The following KLC4 variants were observed in gnomAD, a reference collection of about 807,000 sequenced individuals.
KLC4 encodes kinesin-like protein 8.
A neutral mutation model predicts 77.2 loss-of-function variants in KLC4; 49 were observed. That is an observed-to-expected ratio of 0.63 (90% CI 0.50 to 0.80). The LOEUF is 0.80. KLC4 is among the 30% of genes least tolerant of loss of function. The pLI, the probability that KLC4 is intolerant of heterozygous loss-of-function variation, is 0.00. For synonymous variants in KLC4, 274 were observed against 314.5 expected, an observed-to-expected ratio of 0.87 and a Z score of 1.36; for missense variants, 669 against 793.5, an observed-to-expected ratio of 0.84 and a Z score of 1.89.
intron 3 of KLC4, 54 bp from the exon 4 acceptor site, chr6:43,065,566 A>C: frequency 8.2e-7 from 1 of 1,226,126 alleles, no homozygotes; most frequent in Non-Finnish European, 1.2e-6. Context: ...GGTCACTGAG[A>C]AGGCTACTAG....
chr6:43,068,910 C>A (rs912464665), intron 6 of KLC4, among the ~76,000 whole-genome samples: 3 of 152,110 alleles, frequency 2.0e-5, no homozygotes, highest in African/African-American at 7.2e-5. Context: ...GAGTTTGAGA[C>A]CAGCCTGACC....
chr6:43,073,511 G>A, intron 14 of KLC4, 173 bp downstream of exon 14: 1 of 548,642 alleles, frequency 1.8e-6, no homozygotes, highest in South Asian at 2.0e-5. Flanking sequence ...GTCGGGTGTG[G>A]TGGCAGGTGC....
At chr6:43,072,316 C>G in intron 12 of KLC4, 61 bp downstream of exon 12, 1 of 1,323,062 alleles carries the variant, frequency 7.6e-7, no homozygotes, top group Non-Finnish European at 1.1e-6. Context: ...GAGAGAGTGC[C>G]GAGGTTTCTT....
chr6:43,060,636 C>T (rs1190835540), intron 1 of KLC4: 8 of 1,109,412 alleles, frequency 7.2e-6, no homozygotes, highest in East Asian at 7.9e-5. Flanking sequence ...AGAAACAAGA[C>T]CCCTCTGAGG....
rs147244412 is a variant in KLC4 at position 43,074,280 on chromosome 6, C to T, written c.1809+315C>T. 2,069 of 444,532 alleles carry T rather than the reference C, an allele frequency of 4.7e-3. 6 individuals carry two copies. The highest frequency in any genetic ancestry group is 6.9e-3 in the Non-Finnish European group (1,738 of 252,212). The allele number at this position is 444,532 out of a possible 1,614,324, so 27.5% of individuals were successfully genotyped here. A position where few individuals can be genotyped will look rare whatever the true frequency, so the allele number is the denominator to read the frequency against. On this transcript the variant is annotated intron_variant, in intron 15 of 15. Coordinates refer to ENST00000347162, the MANE Select transcript of KLC4 (RefSeq NM_201521.3). ...ACGAATTATTTTTTCATCCTGCAGC[C>T]GCCTTAGTAGTAGATGAGAATGGAA...
Position 43,071,841 on chromosome 6 carries a change from C to T in KLC4, c.1309-11C>T. On this transcript the variant is annotated splice_polypyrimidine_tract_variant and intron_variant, in intron 10 of 15. Transcript: ENST00000347162. Reference sequence around the variant, plus strand: ...CCCTGCCCTTCTTTCTGGCCTCTCTCTGTCCTGCAGAGCCGGCACCATGAG... The same window carrying T: ...CCCTGCCCTTCTTTCTGGCCTCTCTTTGTCCTGCAGAGCCGGCACCATGAG... 1 of 1,611,016 alleles carries T rather than the reference C, an allele frequency of 6.2e-7. No individual in the cohort carries two copies. Among genetic ancestry groups the T allele is most frequent in the Non-Finnish European group, 8.5e-7 (1 of 1,179,244 alleles).
chr6:43,070,911 CACA>C, intron 8 of KLC4, 46 bp downstream of exon 8: 1 of 1,102,332 alleles, frequency 9.1e-7, no homozygotes, highest in Non-Finnish European at 1.1e-6. Context: ...GAGAGGGGGG[CACA>C]GAGGTGGGGG....
chr6:43,060,079 G>A, intron 1 of KLC4: 1 of 1,526,806 alleles, frequency 6.5e-7, no homozygotes, highest in Non-Finnish European at 8.8e-7. Context: ...CTCCAGCGCC[G>A]CGGTTCCTTG....
intron 15 of KLC4, 186 bp from the exon 16 acceptor site, chr6:43,074,436 T>C (rs1765878740): frequency 3.3e-6 from 2 of 603,878 alleles, no homozygotes; most frequent in South Asian, 2.0e-5. Context: ...CTCCACCAGA[T>C]TGTGGCCTTC....
At chr6:43,069,108 AAAATAAAT>A (rs965289044) in intron 6 of KLC4, among the ~76,000 whole-genome samples, 5 of 152,190 alleles carry the variant, frequency 3.3e-5, no homozygotes, top group South Asian at 2.1e-4. Context: ...ACTTCATCTT[AAAATAAAT>A]AAATAAATAA....
intron 4 of KLC4, 87 bp downstream of exon 4, chr6:43,065,788 C>A: frequency 1.1e-6 from 1 of 876,054 alleles, no homozygotes; most frequent in Non-Finnish European, 1.9e-6. Flanking sequence ...AGGACAGTCA[C>A]CATCTAGAAA....
chr6:43,071,994 C>T, intron 11 of KLC4, 72 bp downstream of exon 11: 2 of 1,481,028 alleles, frequency 1.4e-6, no homozygotes, highest in Non-Finnish European at 1.9e-6. Flanking sequence ...GCCTCCCAGA[C>T]CTTTTCCCTT....
chr6:43,069,130 A>T (rs1765600844), intron 6 of KLC4, among the ~76,000 whole-genome samples: 1 of 152,062 alleles, frequency 6.6e-6, no homozygotes, highest in South Asian at 2.1e-4. Context: ...TAAATAAATA[A>T]ATATAAATAA....
rs569299311 is a variant in KLC4, at chr6:43,068,835, C to T, written c.880-1519C>T. On this transcript the variant is annotated intron_variant, in intron 6 of 15. Coordinates refer to ENST00000347162, the MANE Select transcript of KLC4 (RefSeq NM_201521.3). ...CAACAAAATAAGAAGCGGCCCAGCG[C>T]TGTGGCTCACTCCTGTAATTTCAGC... Among the ~76,000 whole-genome samples, 156 of 151,364 alleles carry T rather than the reference C, an allele frequency of 1.0e-3. 2 individuals carry two copies. The highest frequency in any genetic ancestry group is 2.8e-3 in the Admixed American group (43 of 15,206).
At chr6:43,069,307 C>G (rs1205515732) in intron 6 of KLC4, among the ~76,000 whole-genome samples, 1 of 152,104 alleles carries the variant, frequency 6.6e-6, no homozygotes, top group Non-Finnish European at 1.5e-5. Context: ...TGCAGTGGTA[C>G]AATCTGGGTT....
intron 6 of KLC4, 27 bp downstream of exon 6, chr6:43,067,110 C>A (rs377055284): frequency 6.3e-7 from 1 of 1,593,408 alleles, no homozygotes; most frequent in Non-Finnish European, 8.6e-7. Flanking sequence ...CTCCCCACCC[C>A]ACGCCCCGCA....
rs767408242 is a variant in KLC4 at position 43,061,545 on chromosome 6, G to C, written c.210G>C (p.Gln70His). 2 of 1,613,928 alleles carry C rather than the reference G, an allele frequency of 1.2e-6. No individual in the cohort carries two copies. The highest frequency in any genetic ancestry group is 4.5e-5 in the East Asian group (2 of 44,876). Reference protein sequence around the residue: ...EEGLVHEKARQLRRSMENIEL... With the variant: ...EEGLVHEKARHLRRSMENIEL... ...GGCTGGTGCATGAGAAGGCCCGGCA[G>C]CTTCGCCGTTCTATGGAAAACATTG... The change falls in exon 2 of 16, where the codon CAG becomes CAC. Residue 70 changes from glutamine to histidine, a missense_variant. By Grantham distance (24) the Gln-to-His change is conservative. Coordinates refer to ENST00000347162, the MANE Select transcript of KLC4 (RefSeq NM_201521.3).
At chr6:43,067,871 G>A in intron 6 of KLC4, among the ~76,000 whole-genome samples, 1 of 124,882 alleles carries the variant, frequency 8.0e-6, no homozygotes, top group African/African-American at 4.1e-5. Context: ...CCAGCACTTT[G>A]GGAGGCCGAG....
At chr6:43,059,855 A>T (rs1765044848) in intron 1 of KLC4, 170 bp downstream of exon 1, 1 of 1,190,456 alleles carries the variant, frequency 8.4e-7, no homozygotes, top group Non-Finnish European at 1.0e-6. Flanking sequence ...AGACAGATAG[A>T]CAGACGACCT....
Sources: gnomAD v4.1 joint callset for allele counts (sites outside exome capture counted in the v4.1 genomes callset) on GRCh38, gnomAD v4.1.1 for gene constraint, MANE v1.5 for transcripts, NCBI Gene and HGNC (gene_info 2026-07-23, HGNC 2026-07-21) for gene names.